The following DENND5A variants were observed in gnomAD, a reference collection of about 807,000 sequenced individuals.
The protein encoded by DENND5A is DENN domain-containing protein 5A.
In DENND5A, 64 loss-of-function variants were observed where a neutral mutation model predicts 140.3. The observed-to-expected ratio is 0.46, with a 90% CI of 0.37 to 0.56. DENND5A has a LOEUF of 0.56. Among genes scored for constraint, DENND5A ranks in the 20% least tolerant of loss-of-function variants. The probability of loss-of-function intolerance (pLI) is 0.00; values close to 1 mark genes in which losing one functional copy is unlikely to be tolerated. For missense variants in DENND5A, 1,292 were observed against 1,593.8 expected, an observed-to-expected ratio of 0.81 and a Z score of 3.22; for synonymous variants, 605 against 607.7, an observed-to-expected ratio of 1.00 and a Z score of 0.07.
At chr11:9,245,007 G>A (rs370090886) in intron 1 of DENND5A, among the ~76,000 whole-genome samples, 6 of 151,532 alleles carry the variant, frequency 4.0e-5, no homozygotes, top group Non-Finnish European at 5.9e-5. Context: ...GCTTCAGGCC[G>A]GGTGCGGTGG....
chr11:9,165,879 T>G lies in DENND5A; in HGVS notation c.2240A>C (p.Asn747Thr). Residue 747 changes from asparagine (N) to threonine (T), a missense_variant, in exon 11 of 23, where the codon AAT becomes ACT. Asn to Thr is a moderately conservative substitution (Grantham distance 65). This residue lies in a region of DENND5A where 498 missense variants were observed against 689.7 expected (regional missense o/e 0.72). Transcript: ENST00000328194. ...NLSPSVIAQT[N>T]WKFVEGLLKE... ...CAGCAGGCCCTCTACAAACTTCCAATTGGTCTGGGCAATCACTGATGGAGA... is the reference window on the plus strand; with the variant it reads ...CAGCAGGCCCTCTACAAACTTCCAAGTGGTCTGGGCAATCACTGATGGAGA... 6.2e-7 allele frequency: 1 copy of G among 1,614,088 alleles called. No individual in the cohort carries two copies. Among genetic ancestry groups the G allele is most frequent in the Non-Finnish European group, 8.5e-7 (1 of 1,179,970 alleles).
In DENND5A at chr11:9,165,635, C is replaced by T. The variant is rs143631395; in HGVS notation, c.2283+201G>A. 1.7e-4 allele frequency among the ~76,000 whole-genome samples: 26 copies of T among 152,220 alleles called. No homozygotes were observed. In the East Asian group the frequency reaches 4.6e-3, roughly 27 times the overall value. ...CTTTTGTAAAGACAGGATCTCACTACGTTCTCCAAGTTGGTCTTGAACTCC... is the reference window on the plus strand; with the variant it reads ...CTTTTGTAAAGACAGGATCTCACTATGTTCTCCAAGTTGGTCTTGAACTCC... On this transcript the variant is annotated intron_variant, in intron 11 of 22. Transcript: ENST00000328194.
intron 11 of DENND5A, among the ~76,000 whole-genome samples, chr11:9,165,292 G>A (rs979933074): frequency 2.0e-5 from 3 of 152,170 alleles, no homozygotes; most frequent in African/African-American, 4.8e-5. Flanking sequence ...GAGCCACTGC[G>A]CCCAGCTTGT....
intron 17 of DENND5A, chr11:9,145,445 A>C: frequency 1.7e-6 from 1 of 604,518 alleles, no homozygotes; most frequent in Non-Finnish European, 2.9e-6. Flanking sequence ...AGAGATGTGC[A>C]TGTCCAGACA....
At chr11:9,257,387 T>C (rs1851989918) in intron 1 of DENND5A, among the ~76,000 whole-genome samples, 2 of 146,486 alleles carry the variant, frequency 1.4e-5, no homozygotes, top group South Asian at 4.5e-4. Flanking sequence ...GTCATGATTG[T>C]GCCACTGCAC....
chr11:9,204,464 G>T, intron 3 of DENND5A, 147 bp from the exon 4 acceptor site: 1 of 727,822 alleles, frequency 1.4e-6, no homozygotes, highest in Non-Finnish European at 2.2e-6. Context: ...TGCAAGACAT[G>T]CAAGTAAATA....
chr11:9,176,644 C>A, intron 8 of DENND5A: 1 of 225,916 alleles, frequency 4.4e-6, no homozygotes, highest in Non-Finnish European at 9.0e-6. Context: ...TGAGTAAAAG[C>A]ATGCACAAAG....
intron 1 of DENND5A, among the ~76,000 whole-genome samples, chr11:9,208,640 C>G (rs12290377): frequency 0.022 from 3,365 of 152,266 alleles, 139 homozygotes; most frequent in African/African-American, 0.077. Context: ...TGTCCATCAT[C>G]AGAAGCAGCA....
At position 9,265,222 on chromosome 11, in the gene DENND5A, C is replaced by T; in HGVS notation, c.-153G>A. 1 of 277,550 alleles carries T rather than the reference C, an allele frequency of 3.6e-6. No individual in the cohort carries two copies. Among genetic ancestry groups the T allele is most frequent in the Non-Finnish European group, 6.0e-6 (1 of 166,544 alleles). 17.2% of individuals were successfully genotyped at this position (277,550 alleles called of 1,614,324 possible). On this transcript the variant is annotated 5_prime_UTR_variant, in exon 1 of 23. Coordinates refer to ENST00000328194, the MANE Select transcript of DENND5A (RefSeq NM_015213.4). The surrounding 1 kb of genome is among the most constrained non-coding windows in gnomAD (Gnocchi z 4.7). ...CCGGCCCTGGCCCGGTCCCCTCGGC[C>T]GCCGCGGCTGCCGTGACGGGGCGGG...
chr11:9,150,210 C>T lies in DENND5A; in HGVS notation c.2607-1G>A. On this transcript the variant is annotated splice_acceptor_variant, in intron 14 of 22. Coordinates refer to ENST00000328194, the MANE Select transcript of DENND5A (RefSeq NM_015213.4). LOFTEE classifies it high-confidence loss of function. Reference sequence around the variant, plus strand: ...GATTTCCCCGATGTTCTGGATGTGCCTGGAGGAAGAATGTAAAAAGGAAGT... The same window carrying T: ...GATTTCCCCGATGTTCTGGATGTGCTTGGAGGAAGAATGTAAAAAGGAAGT... 6.2e-7 allele frequency: 1 copy of T among 1,613,352 alleles called. No individual in the cohort carries two copies. Among genetic ancestry groups the T allele is most frequent in the East Asian group, 2.2e-5 (1 of 44,846 alleles).
chr11:9,148,527 G>T (rs887119899), intron 15 of DENND5A, among the ~76,000 whole-genome samples: 1 of 152,190 alleles, frequency 6.6e-6, no homozygotes, highest in Non-Finnish European at 1.5e-5. Context: ...ATTAAACTAA[G>T]TCTGTGCAGT....
At chr11:9,173,279 T>A (rs1162464457) in intron 8 of DENND5A, among the ~76,000 whole-genome samples, 2 of 152,172 alleles carry the variant, frequency 1.3e-5, no homozygotes, top group Non-Finnish European at 2.9e-5. Context: ...CTTCTGGCAG[T>A]AGGAAAATAA....
At chr11:9,151,175 T>A (rs1039163542) in intron 13 of DENND5A, among the ~76,000 whole-genome samples, 7 of 152,144 alleles carry the variant, frequency 4.6e-5, no homozygotes, top group Non-Finnish European at 7.3e-5. Flanking sequence ...ACTACTCACA[T>A]CCTGTTCTGG....
intron 1 of DENND5A, among the ~76,000 whole-genome samples, chr11:9,228,035 C>T (rs1850603609): frequency 6.9e-6 from 1 of 145,594 alleles, no homozygotes; most frequent in Non-Finnish European, 1.5e-5. Flanking sequence ...ATCATTTGAA[C>T]CCAGGAGGCG....
At chr11:9,205,729 T>TA (rs916549710) in intron 3 of DENND5A, among the ~76,000 whole-genome samples, 14 of 151,190 alleles carry the variant, frequency 9.3e-5, no homozygotes, top group East Asian at 3.9e-4. Flanking sequence ...ACTGCTTCTA[T>TA]AAAAAAAAAA....
intron 9 of DENND5A, chr11:9,170,377 C>A (rs777554815): frequency 5.2e-6 from 4 of 773,562 alleles, no homozygotes; most frequent in Non-Finnish European, 6.3e-6. Flanking sequence ...TGATTTTAAC[C>A]CATCTGCAGC....
intron 1 of DENND5A, among the ~76,000 whole-genome samples, chr11:9,218,705 T>C (rs545735701): frequency 3.3e-5 from 5 of 151,826 alleles, no homozygotes; most frequent in African/African-American, 1.2e-4. Flanking sequence ...TGAAACTTTG[T>C]CTCAAAAATA....
intron 12 of DENND5A, among the ~76,000 whole-genome samples, chr11:9,153,613 CTG>C (rs1847706761): frequency 6.6e-6 from 1 of 152,100 alleles, no homozygotes; most frequent in African/African-American, 2.4e-5. Context: ...GTGGGGGAAA[CTG>C]TGGTATCTTT....
chr11:9,182,826 T>C (rs1480350447), intron 5 of DENND5A, among the ~76,000 whole-genome samples: 2 of 152,148 alleles, frequency 1.3e-5, no homozygotes, highest in African/African-American at 2.4e-5. Flanking sequence ...GACAGGAGGA[T>C]TGCAGTCTTC....
Sources: gnomAD v4.1 joint callset for allele counts (sites outside exome capture counted in the v4.1 genomes callset) on GRCh38, gnomAD v4.1.1 for gene constraint, gnomAD v4.1.1 regional missense constraint, Gnocchi (gnomAD v3.1) non-coding constraint, MANE v1.5 for transcripts, NCBI Gene and HGNC (gene_info 2026-07-23, HGNC 2026-07-21) for gene names.